The following PABPC4L variants were observed in gnomAD, a reference collection of about 807,000 sequenced individuals.
The protein encoded by PABPC4L is polyadenylate-binding protein 4-like.
For synonymous variants in PABPC4L, 169 were observed against 164.1 expected, an observed-to-expected ratio of 1.03 and a Z score of -0.23; for missense variants, 452 against 451.4, an observed-to-expected ratio of 1.00 and a Z score of -0.01.
the PABPC4L span, among the ~76,000 whole-genome samples, chr4:134,125,042 A>G: frequency 6.6e-6 from 1 of 152,146 alleles, no homozygotes; most frequent in Non-Finnish European, 1.5e-5. Context: ...TAGAAAGACT[A>G]AAGGACACAA....
the PABPC4L span, among the ~76,000 whole-genome samples, chr4:134,079,995 T>C: frequency 1.1e-4 from 16 of 152,122 alleles, no homozygotes; most frequent in Admixed American, 4.6e-4. Flanking sequence ...TTTATTTCTA[T>C]TTTTTTATTA....
the PABPC4L span, among the ~76,000 whole-genome samples, chr4:134,156,296 G>A: frequency 2.0e-5 from 3 of 151,898 alleles, no homozygotes; most frequent in Non-Finnish European, 4.4e-5. Context: ...GACTCATAGA[G>A]CTTTTGTTGT....
chr4:133,965,020 G>A, the PABPC4L span, among the ~76,000 whole-genome samples: 2 of 152,244 alleles, frequency 1.3e-5, no homozygotes, highest in East Asian at 3.9e-4. Context: ...TAAAGAGGAA[G>A]TCAAACTGTC....
downstream of PABPC4L, chr4:134,196,236 C>T (rs1729651737): frequency 6.6e-6 from 1 of 151,396 alleles, no homozygotes; most frequent in Admixed American, 6.6e-5. Flanking sequence ...AAGTATTTCA[C>T]TAAAAACACA....
At chr4:133,980,127 T>C in the PABPC4L span, among the ~76,000 whole-genome samples, 8 of 152,168 alleles carry the variant, frequency 5.3e-5, no homozygotes, top group East Asian at 1.3e-3. Flanking sequence ...ATTTTATAAT[T>C]TGGCTTTCCA....
chr4:133,953,524 G>C, the PABPC4L span, among the ~76,000 whole-genome samples: 1 of 152,116 alleles, frequency 6.6e-6, no homozygotes, highest in African/African-American at 2.4e-5. Flanking sequence ...ATCTAATCTT[G>C]AACATTTTCT....
At chr4:134,108,034 T>C in the PABPC4L span, among the ~76,000 whole-genome samples, 1 of 151,610 alleles carries the variant, frequency 6.6e-6, no homozygotes, top group East Asian at 1.9e-4. Flanking sequence ...CCATTTACTA[T>C]ATACTTATAG....
At chr4:133,966,932 G>T in the PABPC4L span, among the ~76,000 whole-genome samples, 1 of 152,098 alleles carries the variant, frequency 6.6e-6, no homozygotes, top group African/African-American at 2.4e-5. Context: ...TGAAAGAAAT[G>T]TACCTTGATC....
the PABPC4L span, among the ~76,000 whole-genome samples, chr4:134,061,459 T>C: frequency 6.6e-6 from 1 of 151,830 alleles, no homozygotes; most frequent in Non-Finnish European, 1.5e-5. Context: ...TCCTAAAAGC[T>C]TGCAGAAGAG....
the PABPC4L span, among the ~76,000 whole-genome samples, chr4:134,045,428 C>T: frequency 2.0e-5 from 3 of 152,122 alleles, no homozygotes; most frequent in African/African-American, 7.2e-5. Context: ...AACTAGAATA[C>T]CAATGCTCTC....
At chr4:134,051,127 A>AAATC in the PABPC4L span, among the ~76,000 whole-genome samples, 5 of 152,182 alleles carry the variant, frequency 3.3e-5, no homozygotes, top group African/African-American at 4.8e-5. Flanking sequence ...TATCAAACAA[A>AAATC]AATCTGAAAA....
chr4:134,156,372 C>T, the PABPC4L span, among the ~76,000 whole-genome samples: 2 of 151,778 alleles, frequency 1.3e-5, no homozygotes, highest in African/African-American at 4.8e-5. Flanking sequence ...AAATAGTGCT[C>T]GTTACCTCTT....
chr4:134,163,630 C>T, the PABPC4L span, among the ~76,000 whole-genome samples: 2 of 152,072 alleles, frequency 1.3e-5, no homozygotes, highest in South Asian at 2.1e-4. Context: ...AATCCAACAG[C>T]ACATAAAAAA....
At chr4:133,968,964 C>A in the PABPC4L span, among the ~76,000 whole-genome samples, 1 of 152,084 alleles carries the variant, frequency 6.6e-6, no homozygotes, top group African/African-American at 2.4e-5. Context: ...AAACTAGACA[C>A]CCAACCTGGG....
At chr4:134,129,633 T>A in the PABPC4L span, among the ~76,000 whole-genome samples, 1 of 152,090 alleles carries the variant, frequency 6.6e-6, no homozygotes, top group Non-Finnish European at 1.5e-5. Flanking sequence ...AATTTAAGTT[T>A]AATTAAATTT....
chr4:134,015,455 C>T, the PABPC4L span, among the ~76,000 whole-genome samples: 1 of 152,114 alleles, frequency 6.6e-6, no homozygotes, highest in African/African-American at 2.4e-5. Flanking sequence ...CCCTTCATCC[C>T]AGCCTCTCTT....
At chr4:134,028,653 G>T in the PABPC4L span, among the ~76,000 whole-genome samples, 1 of 152,008 alleles carries the variant, frequency 6.6e-6, no homozygotes, top group Admixed American at 6.6e-5. Context: ...TTCCTCCCAT[G>T]ATAAACTGTA....
chr4:134,183,557 T>C, the PABPC4L span, among the ~76,000 whole-genome samples: 1 of 151,402 alleles, frequency 6.6e-6, no homozygotes, highest in Non-Finnish European at 1.5e-5. Context: ...ACCAAACCCC[T>C]GAGACACAAA....
chr4:134,201,112 G>A lies in PABPC4L; in HGVS notation c.-93C>T, dbSNP rs993261386. The A allele has an allele frequency of 1.3e-6, 2 of 1,550,696 alleles. No individual in the cohort carries two copies. Among genetic ancestry groups the A allele is most frequent in the Non-Finnish European group, 1.7e-6 (2 of 1,146,882 alleles). Reference sequence around the variant, plus strand: ...AGGTCACAGCTTTGGCCCGGTTCAAGTGTGGAGGCCTCGGGATCACCACAC... The same window carrying A: ...AGGTCACAGCTTTGGCCCGGTTCAAATGTGGAGGCCTCGGGATCACCACAC... On this transcript the variant is annotated 5_prime_UTR_variant, in exon 2 of 2. Transcript: ENST00000421491.
Sources: allele counts gnomAD v4.1 joint callset (sites outside exome capture counted in the v4.1 genomes callset), GRCh38; gene constraint gnomAD v4.1.1; transcripts MANE v1.5; gene names NCBI Gene and HGNC (gene_info 2026-07-23, HGNC 2026-07-21).